The following TTC7B variants were observed in gnomAD, a reference collection of about 807,000 sequenced individuals.
The protein encoded by TTC7B is tetratricopeptide repeat protein 7B.
A neutral mutation model predicts 106.8 loss-of-function variants in TTC7B; 28 were observed. The ratio of observed to expected loss-of-function variants is 0.26; its 90% confidence interval spans 0.19 to 0.36. The LOEUF is 0.36. TTC7B is among the 10% of genes least tolerant of loss of function. The pLI is 1.00. For missense variants in TTC7B, 862 were observed against 1,076.4 expected (o/e 0.80, Z 2.79); for synonymous variants, 405 against 430.6 (o/e 0.94, Z 0.74).
In TTC7B at chr14:90,545,011, T is replaced by C. The variant is rs530852002; in HGVS notation, c.2311-3422A>G. On this transcript the variant is annotated intron_variant, in intron 19 of 19. Transcript: ENST00000328459. Reference sequence around the variant, plus strand: ...CTCCAAGTGGAGGGTTTTTCCCCACTGGGCACCACGCTAGGCACTGTAGCT... The same window carrying C: ...CTCCAAGTGGAGGGTTTTTCCCCACCGGGCACCACGCTAGGCACTGTAGCT... Among the ~76,000 whole-genome samples the C allele has an allele frequency of 3.9e-5, 6 of 152,332 alleles. No homozygotes were observed. The South Asian group carries it at 1.2e-3, about 32-fold the overall frequency.
intron 6 of TTC7B, 66 bp downstream of exon 6, chr14:90,695,418 CATAAATGTAAAAAAAT>C: frequency 3.1e-6 from 2 of 635,976 alleles, no homozygotes; most frequent in Non-Finnish European, 4.9e-6. Context: ...ATTTATAATA[CATAAATGTAAAAAAAT>C]ATGAATGTAA....
At position 90,541,381 on chromosome 14, in the gene TTC7B, G is replaced by A. The variant is rs1194325342; in HGVS notation, c.2519C>T (p.Pro840Leu). Residue 840 changes from proline to leucine, a missense_variant, in exon 20 of 20, where the codon CCC (proline) becomes CTC (leucine). Transcript: ENST00000328459. ...GCAGGCGCCTGCTCAGAGCACGCGG[G>A]GGATGATGGTGAAGGGCACGGCGGG... ...SSPAVPFTII[P>L]RVL 6.2e-7 allele frequency: 1 copy of A among 1,608,804 alleles called. No homozygotes were observed. The highest frequency in any genetic ancestry group is 8.5e-7 in the Non-Finnish European group (1 of 1,177,800).
At chr14:90,676,297 G>T in intron 9 of TTC7B, 1 of 404,474 alleles carries the variant, frequency 2.5e-6, no homozygotes, top group Non-Finnish European at 4.4e-6. Flanking sequence ...ACAGCCTGGT[G>T]GGTTATGGAA....
At position 90,677,695 on chromosome 14, in the gene TTC7B, G is replaced by T. The variant is rs1268943729; in HGVS notation, c.1015-1035C>A. On this transcript the variant is annotated intron_variant, in intron 8 of 19. Coordinates refer to ENST00000328459, the MANE Select transcript of TTC7B (RefSeq NM_001010854.2). ...GGGTCACTTGTCCCGGCAGGCTGAC[G>T]TTGATCTTCCCCCTGACATTCAGAA... is the stretch of plus-strand genomic sequence containing the variant. 3 of 359,992 alleles carry T rather than the reference G, an allele frequency of 8.3e-6. No individual in the cohort carries two copies. In the East Asian group the frequency reaches 2.6e-4, roughly 31 times the overall value. 22.3% of individuals were successfully genotyped at this position (359,992 alleles called of 1,614,324 possible).
chr14:90,780,767 CGCA>C lies in TTC7B; in HGVS notation c.413_415del (p.Leu138del). 2 of 1,614,240 alleles carry C rather than the reference CGCA, an allele frequency of 1.2e-6. No homozygotes were observed. The highest frequency in any genetic ancestry group is 1.7e-6 in the Non-Finnish European group (2 of 1,180,044). On this transcript the variant is annotated inframe_deletion, in exon 3 of 20. Transcript: ENST00000328459. ...GGTAGCGTAGGCTTCTGCGATCACCCGCAGCCTGTAGGGCGGGACAGCTGTCAG... is the reference window on the plus strand; with the variant it reads ...GGTAGCGTAGGCTTCTGCGATCACCCGCCTGTAGGGCGGGACAGCTGTCAG...
rs2030672763 is a variant in TTC7B at position 90,807,400 on chromosome 14, A to T, written c.121+8775T>A. 2.0e-5 allele frequency among the ~76,000 whole-genome samples: 3 copies of T among 152,130 alleles called. No individual in the cohort carries two copies. The South Asian group carries it at 6.2e-4, about 31-fold the overall frequency. Reference sequence around the variant, plus strand: ...CTGGTCCTAGAACTCCGGGCACCATAATCACTTGGGGCCCTGGGATCCTGC... The same window carrying T: ...CTGGTCCTAGAACTCCGGGCACCATTATCACTTGGGGCCCTGGGATCCTGC... On this transcript the variant is annotated intron_variant, in intron 1 of 19. Transcript: ENST00000328459. The surrounding 1 kb of genome is among the most constrained non-coding windows in gnomAD (Gnocchi z 4.1).
At chr14:90,579,661 T>C (rs1289670328) in intron 18 of TTC7B, among the ~76,000 whole-genome samples, 1 of 152,062 alleles carries the variant, frequency 6.6e-6, no homozygotes, top group Non-Finnish European at 1.5e-5. Flanking sequence ...TAGCCGGGCG[T>C]GGTGTTGCAC....
rs1280057268 is a variant in TTC7B, at chr14:90,531,875, T to G, written c.*9493A>C. 1 of 152,228 alleles carries G rather than the reference T, an allele frequency of 6.6e-6. No homozygotes were observed. Among genetic ancestry groups the G allele is most frequent in the Non-Finnish European group, 1.5e-5 (1 of 68,046 alleles). The allele number at this position is 152,228 out of a possible 1,614,324, so 9.4% of individuals were successfully genotyped here. ...AGCTCTGCCCCTTTCTTATTTAATT[T>G]TGTAGTTTTAAAAACTGCTACATAG... is the stretch of plus-strand genomic sequence containing the variant. On this transcript the variant is annotated 3_prime_UTR_variant, in exon 20 of 20. Coordinates refer to ENST00000328459, the MANE Select transcript of TTC7B (RefSeq NM_001010854.2).
chr14:90,774,400 T>C (rs1364128532), intron 3 of TTC7B, among the ~76,000 whole-genome samples: 1 of 152,200 alleles, frequency 6.6e-6, no homozygotes, highest in African/African-American at 2.4e-5. Flanking sequence ...AGAAAATGGA[T>C]CTGCAGCATG....
intron 1 of TTC7B, among the ~76,000 whole-genome samples, chr14:90,799,701 G>A (rs530648428): frequency 3.9e-5 from 6 of 152,332 alleles, no homozygotes; most frequent in South Asian, 2.1e-4. Context: ...AGGGAAGGGC[G>A]TTGGGGTGGA....
intron 1 of TTC7B, among the ~76,000 whole-genome samples, chr14:90,787,275 A>G (rs1891425871): frequency 6.6e-6 from 1 of 152,222 alleles, no homozygotes; most frequent in Non-Finnish European, 1.5e-5. Flanking sequence ...AATTCAAATG[A>G]AAAGTTCACT....
At chr14:90,625,568 C>T (rs776999477) in intron 15 of TTC7B, among the ~76,000 whole-genome samples, 14 of 152,172 alleles carry the variant, frequency 9.2e-5, no homozygotes, top group Non-Finnish European at 1.8e-4. Flanking sequence ...AAATCAATAC[C>T]GTCACTGGCC....
At chr14:90,773,929 C>T (rs1890943373) in intron 3 of TTC7B, among the ~76,000 whole-genome samples, 1 of 152,202 alleles carries the variant, frequency 6.6e-6, no homozygotes, top group Non-Finnish European at 1.5e-5. Context: ...CCTGGCTGCT[C>T]CCTGATTTTC....
chr14:90,631,218 A>C (rs1265580177), intron 15 of TTC7B, among the ~76,000 whole-genome samples: 1 of 152,140 alleles, frequency 6.6e-6, no homozygotes, highest in South Asian at 2.1e-4. Context: ...ATTGATAGGC[A>C]CTTGGCTTGT....
At chr14:90,615,316 T>G (rs543974164) in intron 16 of TTC7B, among the ~76,000 whole-genome samples, 7 of 152,220 alleles carry the variant, frequency 4.6e-5, no homozygotes, top group African/African-American at 1.7e-4. Flanking sequence ...TGGAGGCCTG[T>G]GCAGAGCCTG....
chr14:90,715,882 C>T (rs1422686892), intron 5 of TTC7B, among the ~76,000 whole-genome samples: 2 of 152,188 alleles, frequency 1.3e-5, no homozygotes, highest in African/African-American at 4.8e-5. Context: ...AATGAATTCA[C>T]CCAAGTAGTT....
chr14:90,766,854 T>G, intron 3 of TTC7B: 2 of 1,596,304 alleles, frequency 1.3e-6, no homozygotes, highest in Non-Finnish European at 1.7e-6. Flanking sequence ...ACAAGCTCCA[T>G]GAAGACCTGG....
intron 5 of TTC7B, among the ~76,000 whole-genome samples, chr14:90,701,439 G>C (rs2139954960): frequency 1.3e-5 from 2 of 152,032 alleles, no homozygotes; most frequent in Admixed American, 1.3e-4. Flanking sequence ...ATACTTCAGG[G>C]GCCAGGACAG....
chr14:90,561,841 G>T lies in TTC7B; in HGVS notation c.2310+16265C>A, dbSNP rs115262747. 5.2e-3 allele frequency among the ~76,000 whole-genome samples: 787 copies of T among 152,354 alleles called. 10 individuals carry two copies. Among genetic ancestry groups the T allele is most frequent in the African/African-American group, 0.017 (722 of 41,586 alleles). On this transcript the variant is annotated intron_variant, in intron 19 of 19. Transcript: ENST00000328459. ...AGACTGGGGCTGTGGAAACAGGAGG[G>T]TTGGCGAGTCTGGCAAAGCCAGCCC...
Sources: gnomAD v4.1 joint callset for allele counts (sites outside exome capture counted in the v4.1 genomes callset) on GRCh38, gnomAD v4.1.1 for gene constraint, Gnocchi (gnomAD v3.1) non-coding constraint, MANE v1.5 for transcripts, NCBI Gene and HGNC (gene_info 2026-07-23, HGNC 2026-07-21) for gene names.